Variants in DCTN4 observed in about 807,000 individuals in gnomAD.
DCTN4 encodes dynactin 4 (p62).
A neutral mutation model predicts 62.7 loss-of-function variants in DCTN4; 23 were observed. That is an observed-to-expected ratio of 0.37 (90% CI 0.26 to 0.52). DCTN4 has a LOEUF of 0.52. DCTN4 is among the 20% of genes least tolerant of loss of function. The pLI, the probability that DCTN4 is intolerant of heterozygous loss-of-function variation, is 0.92. For missense variants in DCTN4, 514 were observed against 580.4 expected (o/e 0.89, Z 1.18); for synonymous variants, 199 against 202.1 (o/e 0.98, Z 0.13).
chr5:150,724,243 T>C (rs187016073), intron 8 of DCTN4, among the ~76,000 whole-genome samples: 3 of 152,346 alleles, frequency 2.0e-5, no homozygotes, highest in African/African-American at 7.2e-5. Context: ...TGAATATCTT[T>C]CATATTTATT....
At chr5:150,719,983 T>C (rs1351596544) in intron 9 of DCTN4, among the ~76,000 whole-genome samples, 1 of 152,174 alleles carries the variant, frequency 6.6e-6, no homozygotes, top group Non-Finnish European at 1.5e-5. Flanking sequence ...TTACGTATAT[T>C]TCTAGTTGAA....
chr5:150,725,383 A>C (rs190085832), intron 8 of DCTN4, among the ~76,000 whole-genome samples: 1 of 151,678 alleles, frequency 6.6e-6, no homozygotes, highest in Non-Finnish European at 1.5e-5. Context: ...ATATAAATTT[A>C]TATCAATTTA....
intron 3 of DCTN4, among the ~76,000 whole-genome samples, chr5:150,746,921 G>A (rs1193886946): frequency 6.6e-6 from 1 of 152,182 alleles, no homozygotes; most frequent in East Asian, 1.9e-4. Flanking sequence ...TCAACATAGT[G>A]TTGGGAGTTC....
chr5:150,744,481 A>T (rs1760887035), intron 3 of DCTN4, among the ~76,000 whole-genome samples: 1 of 152,196 alleles, frequency 6.6e-6, no homozygotes, highest in African/African-American at 2.4e-5. Context: ...TCCAAGACAC[A>T]TAATTGTCAG....
At chr5:150,745,608 A>G (rs992406274) in intron 3 of DCTN4, among the ~76,000 whole-genome samples, 43 of 152,354 alleles carry the variant, frequency 2.8e-4, no homozygotes, top group African/African-American at 1.0e-3. Context: ...ACCACAGTGC[A>G]ATCAAACTAG....
At chr5:150,723,167 A>G (rs553454854) in intron 8 of DCTN4, among the ~76,000 whole-genome samples, 187 bp from the exon 9 acceptor site, 2 of 152,320 alleles carry the variant, frequency 1.3e-5, no homozygotes, top group East Asian at 3.9e-4. Flanking sequence ...ACTTCCTGAT[A>G]TGTGCAACCC....
intron 9 of DCTN4, among the ~76,000 whole-genome samples, chr5:150,720,384 C>A (rs1027738853): frequency 1.3e-5 from 2 of 151,918 alleles, no homozygotes; most frequent in African/African-American, 2.4e-5. Flanking sequence ...AAAAAACACA[C>A]ACACACACAA....
In DCTN4 at chr5:150,729,347, G is replaced by A. The variant is rs558024860; in HGVS notation, c.834+1284C>T. On this transcript the variant is annotated intron_variant, in intron 8 of 12. Transcript: ENST00000447998. ...CCCAACTTCAACGATTATCAACTTC[G>A]GAATATATATGCAGGACTTGAATCT... Among the ~76,000 whole-genome samples the A allele has an allele frequency of 5.9e-5, 9 of 151,624 alleles. No individual in the cohort carries two copies. The South Asian group carries it at 1.7e-3, about 28-fold the overall frequency.
At position 150,731,396 on chromosome 5, in the gene DCTN4, C is replaced by CAT; in HGVS notation, c.611+18_611+19dup. ...TGATACCTGCTGTTCTCCTCAAAGT[C>CAT]ATTTCATGTCTAAACTTACGAAAGT... is the stretch of plus-strand genomic sequence containing the variant. On this transcript the variant is annotated intron_variant, in intron 6 of 12. Coordinates refer to ENST00000447998, the MANE Select transcript of DCTN4 (RefSeq NM_016221.4). 6.2e-7 allele frequency: 1 copy of CAT among 1,607,050 alleles called. No homozygotes were observed.
chr5:150,727,641 T>C (rs1581576179), intron 8 of DCTN4, among the ~76,000 whole-genome samples: 1 of 151,376 alleles, frequency 6.6e-6, no homozygotes, highest in Non-Finnish European at 1.5e-5. Context: ...CCGGGCGTGG[T>C]GGCGGGCGCC....
intron 6 of DCTN4, 45 bp downstream of exon 6, chr5:150,731,371 T>C: frequency 1.0e-5 from 15 of 1,471,922 alleles, no homozygotes; most frequent in Non-Finnish European, 1.4e-5. Flanking sequence ...ATATTCATTT[T>C]GATACCTGCT....
intron 2 of DCTN4, among the ~76,000 whole-genome samples, chr5:150,753,927 TTTATGC>T (rs1752768541): frequency 6.6e-6 from 1 of 152,210 alleles, no homozygotes; most frequent in African/African-American, 2.4e-5. Flanking sequence ...CCAGACTCTT[TTTATGC>T]TTATATTGAT....
intron 4 of DCTN4, among the ~76,000 whole-genome samples, chr5:150,736,036 C>T (rs1422346623): frequency 6.6e-6 from 1 of 150,738 alleles, no homozygotes; most frequent in Non-Finnish European, 1.5e-5. Context: ...TTTGAATTAA[C>T]CCAATCTGAC....
chr5:150,729,899 CCTTT>C (rs1019007860), intron 8 of DCTN4, among the ~76,000 whole-genome samples: 3 of 152,004 alleles, frequency 2.0e-5, no homozygotes, highest in Non-Finnish European at 2.9e-5. Flanking sequence ...TCCCCTGGGC[CCTTT>C]CTTTCTGTTT....
At position 150,709,268 on chromosome 5, in the gene DCTN4, T is replaced by C. The variant is rs1759477856; in HGVS notation, c.*1881A>G. On this transcript the variant is annotated 3_prime_UTR_variant, in exon 13 of 13. Coordinates refer to ENST00000447998, the MANE Select transcript of DCTN4 (RefSeq NM_016221.4). ...TGTTTTGTGTTTCTGTGTATGGGAATGATGAGACCCATACTTCAACATTAT... is the reference window on the plus strand; with the variant it reads ...TGTTTTGTGTTTCTGTGTATGGGAACGATGAGACCCATACTTCAACATTAT... 6.6e-6 allele frequency: 1 copy of C among 152,466 alleles called. No individual in the cohort carries two copies. The highest frequency in any genetic ancestry group is 6.5e-5 in the Admixed American group (1 of 15,284). The allele number at this position is 152,466 out of a possible 1,614,324, so 9.4% of individuals were successfully genotyped here.
At chr5:150,739,180 C>CAA (rs564417540) in intron 4 of DCTN4, among the ~76,000 whole-genome samples, 4 of 75,174 alleles carry the variant, frequency 5.3e-5, no homozygotes, top group Middle Eastern at 0.01. Context: ...GATTTCATCT[C>CAA]AAAAAAAAAA....
chr5:150,755,393 AAAG>A (rs1379338116), intron 2 of DCTN4: 1 of 364,692 alleles, frequency 2.7e-6, no homozygotes, highest in Non-Finnish European at 5.4e-6. Flanking sequence ...GAGTACAAAA[AAAG>A]AAGGAAAAGC....
intron 8 of DCTN4, among the ~76,000 whole-genome samples, chr5:150,724,369 C>T (rs1349283532): frequency 6.6e-6 from 1 of 152,016 alleles, no homozygotes; most frequent in Non-Finnish European, 1.5e-5. Flanking sequence ...AATAATATAC[C>T]TTGCAAACTA....
chr5:150,755,651 G>A, intron 2 of DCTN4: 1 of 443,936 alleles, frequency 2.3e-6, no homozygotes, highest in Non-Finnish European at 4.5e-6. Context: ...TACTTTTGAG[G>A]TCATCAAAAC....
Sources: gnomAD v4.1 joint callset for allele counts (sites outside exome capture counted in the v4.1 genomes callset) on GRCh38, gnomAD v4.1.1 for gene constraint, MANE v1.5 for transcripts, NCBI Gene and HGNC (gene_info 2026-07-23, HGNC 2026-07-21) for gene names.